BRD10: variants seen among roughly 807,000 people sequenced by gnomAD.
BRD10 encodes the protein uncharacterized bromodomain-containing protein 10.
At chr9:5,969,824 G>GC in the BRD10 span, among the ~76,000 whole-genome samples, 5 of 152,168 alleles carry the variant, frequency 3.3e-5, no homozygotes, top group East Asian at 9.6e-4. Flanking sequence ...GAGATTACAG[G>GC]CATGAGCTAC....
At chr9:5,967,288 TGATTTAAAAGACA>T in the BRD10 span, among the ~76,000 whole-genome samples, 2 of 152,050 alleles carry the variant, frequency 1.3e-5, no homozygotes, top group South Asian at 4.1e-4. Flanking sequence ...AGACATAAAC[TGATTTAAAAGACA>T]GACAACAAGA....
the BRD10 span, chr9:5,929,253 C>G: frequency 1.6e-6 from 1 of 638,852 alleles, no homozygotes; most frequent in Middle Eastern, 3.4e-4. Context: ...CACCAATACT[C>G]CATAAAAACG....
chr9:5,919,378 C>G, the BRD10 span: 1 of 232,296 alleles, frequency 4.3e-6, no homozygotes, highest in Non-Finnish European at 8.4e-6. Flanking sequence ...CTAGCTTACT[C>G]TAAACTATTC....
At chr9:5,995,654 G>C in the BRD10 span, among the ~76,000 whole-genome samples, 4 of 152,088 alleles carry the variant, frequency 2.6e-5, no homozygotes, top group African/African-American at 9.7e-5. Flanking sequence ...GTATTTTTCA[G>C]TTCTTATTTT....
the BRD10 span, among the ~76,000 whole-genome samples, chr9:5,975,439 C>CAAA: frequency 9.8e-5 from 6 of 61,234 alleles, no homozygotes; most frequent in South Asian, 1.0e-3. Context: ...AACTCCATCT[C>CAAA]AAAAAAAAAA....
At chr9:5,990,445 G>A in the BRD10 span, among the ~76,000 whole-genome samples, 7 of 152,118 alleles carry the variant, frequency 4.6e-5, no homozygotes, top group African/African-American at 1.7e-4. Flanking sequence ...TGGGGATAAG[G>A]AAAACTGAGA....
the BRD10 span, among the ~76,000 whole-genome samples, chr9:6,000,717 C>T: frequency 6.6e-6 from 1 of 152,114 alleles, no homozygotes; most frequent in East Asian, 1.9e-4. Flanking sequence ...TTTACTTATT[C>T]CAGAATAAAT....
At chr9:5,968,467 ATTTTC>A in the BRD10 span, 1 of 1,611,600 alleles carries the variant, frequency 6.2e-7, no homozygotes, top group Non-Finnish European at 8.5e-7. Context: ...GTTTCTCTAA[ATTTTC>A]TTTACAACAA....
At chr9:5,955,595 G>A in the BRD10 span, among the ~76,000 whole-genome samples, 1 of 150,460 alleles carries the variant, frequency 6.6e-6, no homozygotes, top group Non-Finnish European at 1.5e-5. Flanking sequence ...TCTAACTTTT[G>A]GCTCAATGAA....
the BRD10 span, among the ~76,000 whole-genome samples, chr9:5,947,714 A>C: frequency 6.6e-6 from 1 of 151,950 alleles, no homozygotes; most frequent in Non-Finnish European, 1.5e-5. Flanking sequence ...GTCATATACA[A>C]CTCTACTACC....
chr9:5,968,431 G>A, the BRD10 span: 1 of 1,612,812 alleles, frequency 6.2e-7, no homozygotes, highest in Non-Finnish European at 8.5e-7. Flanking sequence ...GCTCTCCAAA[G>A]CCAGTAACTT....
chr9:5,946,894 A>G, the BRD10 span, among the ~76,000 whole-genome samples: 1 of 152,140 alleles, frequency 6.6e-6, no homozygotes, highest in African/African-American at 2.4e-5. Context: ...TTAATTACCA[A>G]TTAGTTATGA....
chr9:5,905,266 C>A, the BRD10 span, among the ~76,000 whole-genome samples: 1 of 152,118 alleles, frequency 6.6e-6, no homozygotes, highest in African/African-American at 2.4e-5. Context: ...GAATGGACCC[C>A]CTCTTCACCA....
the BRD10 span, chr9:5,924,796 C>CA: frequency 6.4e-7 from 1 of 1,566,796 alleles, no homozygotes; most frequent in Admixed American, 1.8e-5. Context: ...TTAAATGTAT[C>CA]ATGATCAGGT....
the BRD10 span, among the ~76,000 whole-genome samples, chr9:5,884,646 T>C: frequency 1.3e-5 from 2 of 152,274 alleles, no homozygotes; most frequent in African/African-American, 4.8e-5. Context: ...GCCTCTTCTG[T>C]ACCAATACCC....
the BRD10 span, chr9:6,007,382 C>G: frequency 1.2e-6 from 2 of 1,612,332 alleles, no homozygotes; most frequent in Non-Finnish European, 1.7e-6. Context: ...AGACACATGC[C>G]CTGTCCGGGC....
chr9:5,897,174 TTC>T, the BRD10 span, among the ~76,000 whole-genome samples: 2 of 152,234 alleles, frequency 1.3e-5, no homozygotes, highest in Non-Finnish European at 2.9e-5. Context: ...AATTTCTATT[TTC>T]TCTTTGTGGG....
the BRD10 span, among the ~76,000 whole-genome samples, chr9:5,959,225 G>A: frequency 3.3e-5 from 5 of 152,114 alleles, no homozygotes; most frequent in South Asian, 2.1e-4. Flanking sequence ...GAATTGTCTC[G>A]TTATAGTTAT....
At chr9:5,882,617 C>G in the BRD10 span, among the ~76,000 whole-genome samples, 1 of 152,146 alleles carries the variant, frequency 6.6e-6, no homozygotes, top group South Asian at 2.1e-4. Context: ...CTGAAGTCAC[C>G]CATGTTATTG....
Sources: gnomAD v4.1 joint callset for allele counts (sites outside exome capture counted in the v4.1 genomes callset) on GRCh38, gnomAD v4.1.1 for gene constraint, MANE v1.5 for transcripts, NCBI Gene and HGNC (gene_info 2026-07-23, HGNC 2026-07-21) for gene names.